Variants in TMEM161B observed in about 807,000 individuals in gnomAD.
The protein encoded by TMEM161B is transmembrane protein 161B.
In TMEM161B, 34 loss-of-function variants were observed where a neutral mutation model predicts 61.8. The observed-to-expected ratio is 0.55, with a 90% CI of 0.42 to 0.73. The LOEUF (loss-of-function observed/expected upper bound fraction) is 0.73, where lower values mean the gene tolerates loss of function less well. Among genes scored for constraint, TMEM161B ranks in the 30% least tolerant of loss-of-function variants. TMEM161B has a pLI of 0.00. For synonymous variants in TMEM161B, 167 were observed against 192.8 expected (o/e 0.87, Z 1.11); for missense variants, 456 against 558.5 (o/e 0.82, Z 1.85).
intron 1 of TMEM161B, among the ~76,000 whole-genome samples, chr5:88,241,409 T>C (rs935490036): frequency 6.6e-6 from 1 of 151,856 alleles, no homozygotes; most frequent in African/African-American, 2.4e-5. Flanking sequence ...TTAAAATGAA[T>C]TAGTATACAC....
chr5:88,187,422 T>C (rs1748415461), downstream of TMEM161B, among the ~76,000 whole-genome samples: 1 of 152,224 alleles, frequency 6.6e-6, no homozygotes, highest in Non-Finnish European at 1.5e-5. Flanking sequence ...TTAATTTATA[T>C]AACATTTATA....
chr5:88,251,800 G>A (rs1395117076), intron 1 of TMEM161B, among the ~76,000 whole-genome samples: 2 of 152,010 alleles, frequency 1.3e-5, no homozygotes, highest in African/African-American at 2.4e-5. Flanking sequence ...CAACTAACAA[G>A]AACATGCTGT....
chr5:88,203,206 C>T (rs1744756064), intron 8 of TMEM161B, 131 bp from the exon 9 acceptor site: 1 of 565,852 alleles, frequency 1.8e-6, no homozygotes, highest in Non-Finnish European at 3.1e-6. Flanking sequence ...ATACTACTGT[C>T]ACCATCATTT....
intron 3 of TMEM161B, among the ~76,000 whole-genome samples, chr5:88,227,391 T>C (rs1270750249): frequency 6.6e-6 from 1 of 152,178 alleles, no homozygotes; most frequent in Non-Finnish European, 1.5e-5. Context: ...ATTAAATTAT[T>C]AGCTAACACG....
intron 4 of TMEM161B, among the ~76,000 whole-genome samples, chr5:88,223,659 G>A (rs532952490): frequency 3.7e-4 from 56 of 152,146 alleles, no homozygotes; most frequent in South Asian, 8.3e-4. Flanking sequence ...AGGCCGAGGC[G>A]GGCAGATCAC....
chr5:88,222,566 C>T (rs932156504), intron 4 of TMEM161B, among the ~76,000 whole-genome samples: 1 of 152,110 alleles, frequency 6.6e-6, no homozygotes, highest in Non-Finnish European at 1.5e-5. Flanking sequence ...TTACGGTTTT[C>T]AATTTTATTA....
chr5:88,222,868 T>TA (rs1749258805), intron 4 of TMEM161B, among the ~76,000 whole-genome samples: 1 of 152,224 alleles, frequency 6.6e-6, no homozygotes, highest in African/African-American at 2.4e-5. Context: ...TGCCTTTTAA[T>TA]AAAATATTGA....
intron 1 of TMEM161B, among the ~76,000 whole-genome samples, chr5:88,248,155 G>A: frequency 6.6e-6 from 1 of 151,906 alleles, no homozygotes; most frequent in South Asian, 2.1e-4. Context: ...ACCAAATCCT[G>A]GGTCCCCAAA....
intron 2 of TMEM161B, among the ~76,000 whole-genome samples, chr5:88,233,001 G>A (rs1435708954): frequency 4.6e-5 from 7 of 152,134 alleles, no homozygotes; most frequent in African/African-American, 1.7e-4. Context: ...TTATTAGTGA[G>A]AATTATTGTT....
chr5:88,204,169 A>T (rs928271062), intron 8 of TMEM161B, among the ~76,000 whole-genome samples: 1 of 152,054 alleles, frequency 6.6e-6, no homozygotes, highest in Admixed American at 6.6e-5. Context: ...CCTCTGATAT[A>T]AAAACACATC....
intron 5 of TMEM161B, among the ~76,000 whole-genome samples, chr5:88,211,968 AG>A (rs1328192903): frequency 1.3e-5 from 2 of 152,152 alleles, no homozygotes; most frequent in Non-Finnish European, 2.9e-5. Flanking sequence ...GCCCACCACA[AG>A]GAAGTAAAAA....
At chr5:88,265,222 A>G (rs755313019) in intron 1 of TMEM161B, among the ~76,000 whole-genome samples, 2 of 152,214 alleles carry the variant, frequency 1.3e-5, no homozygotes, top group Admixed American at 6.5e-5. Context: ...CTTGAAAACT[A>G]GTATATTAAC....
At chr5:88,236,673 T>C (rs1344751175) in intron 2 of TMEM161B, among the ~76,000 whole-genome samples, 1 of 152,324 alleles carries the variant, frequency 6.6e-6, no homozygotes, top group African/African-American at 2.4e-5. Flanking sequence ...TGTGAGGGCA[T>C]TAGATTCTTA....
At position 88,195,326 on chromosome 5, in the gene TMEM161B, CA is replaced by C; in HGVS notation, c.*884del. ...TGCAACTTAAAATATTATAAGGATT[CA>C]ATATTTTCATCTTTTATAATCTCAA... On this transcript the variant is annotated 3_prime_UTR_variant, in exon 12 of 12. Coordinates refer to ENST00000296595, the MANE Select transcript of TMEM161B (RefSeq NM_153354.5). The C allele has an allele frequency of 3.7e-6, 3 of 803,382 alleles. No homozygotes were observed. Among genetic ancestry groups the C allele is most frequent in the Non-Finnish European group, 4.5e-6 (3 of 665,772 alleles). The allele number at this position is 803,382 out of a possible 1,614,324, so 49.8% of individuals were successfully genotyped here. A position where few individuals can be genotyped will look rare whatever the true frequency, so the allele number is the denominator to read the frequency against.
chr5:88,245,183 T>C (rs1263755110), intron 1 of TMEM161B, among the ~76,000 whole-genome samples: 1 of 151,932 alleles, frequency 6.6e-6, no homozygotes, highest in Non-Finnish European at 1.5e-5. Context: ...GTGGATATTT[T>C]AATGTCTTAA....
At chr5:88,191,998 A>ATGTATATATATATG (rs1290614254), downstream of TMEM161B, among the ~76,000 whole-genome samples, 2 of 78,528 alleles carry the variant, frequency 2.5e-5, no homozygotes, top group African/African-American at 1.3e-4. Context: ...ATATATATAT[A>ATGTATATATATATG]TATATATATA....
intron 5 of TMEM161B, 152 bp from the exon 6 acceptor site, chr5:88,207,332 A>T: frequency 1.4e-6 from 1 of 690,590 alleles, no homozygotes; most frequent in Non-Finnish European, 2.3e-6. Context: ...AAGAGCACCC[A>T]TATACTAAGT....
Position 88,196,101 on chromosome 5 carries a change from T to G in TMEM161B, c.*110A>C, listed in dbSNP as rs538590264. On this transcript the variant is annotated 3_prime_UTR_variant, in exon 12 of 12. Coordinates refer to ENST00000296595, the MANE Select transcript of TMEM161B (RefSeq NM_153354.5). ...ATTTAATACAAGACATTCTGATATG[T>G]TTTTTTTTTCCCATTGTATTTGCTT... 15 of 1,380,078 alleles carry G rather than the reference T, an allele frequency of 1.1e-5. No homozygotes were observed. In the East Asian group the frequency reaches 1.8e-4, roughly 17 times the overall value. 85.5% of individuals were successfully genotyped at this position (1,380,078 alleles called of 1,614,324 possible). A position where few individuals can be genotyped will look rare whatever the true frequency, so the allele number is the denominator to read the frequency against.
intron 2 of TMEM161B, among the ~76,000 whole-genome samples, chr5:88,240,486 T>G (rs190257600): frequency 6.6e-6 from 1 of 151,850 alleles, no homozygotes; most frequent in Admixed American, 6.6e-5. Context: ...TTCTTGTCCA[T>G]GACCCTATTA....
Sources: allele counts gnomAD v4.1 joint callset (sites outside exome capture counted in the v4.1 genomes callset), GRCh38; gene constraint gnomAD v4.1.1; transcripts MANE v1.5; gene names NCBI Gene and HGNC (gene_info 2026-07-23, HGNC 2026-07-21).